MEIOC: variants seen among roughly 807,000 people sequenced by gnomAD.
MEIOC encodes the protein meiosis-specific coiled-coil domain-containing protein MEIOC.
A neutral mutation model predicts 85.3 loss-of-function variants in MEIOC; 9 were observed. The observed-to-expected ratio is 0.11, with a 90% CI of 0.06 to 0.18. The LOEUF is 0.18. Ranked by LOEUF, MEIOC falls within the 10% of genes least tolerant of loss-of-function variation. MEIOC has a pLI of 1.00. For synonymous variants in MEIOC, 365 were observed against 393.7 expected, an observed-to-expected ratio of 0.93 and a Z score of 0.86; for missense variants, 898 against 1,129.4, an observed-to-expected ratio of 0.80 and a Z score of 2.94.
At chr17:44,668,566 A>G (rs901420822) in intron 5 of MEIOC, among the ~76,000 whole-genome samples, 4 of 152,108 alleles carry the variant, frequency 2.6e-5, no homozygotes, top group African/African-American at 9.7e-5. Flanking sequence ...CCCTGGCCTC[A>G]AGCCATCCTC....
intron 6 of MEIOC, among the ~76,000 whole-genome samples, chr17:44,671,633 G>A (rs894887457): frequency 6.7e-6 from 1 of 150,342 alleles, no homozygotes; most frequent in Admixed American, 6.6e-5. Context: ...TTCGCCGGGC[G>A]TGGTGGTTCA....
Position 44,668,374 on chromosome 17 carries a change from C to T in MEIOC, c.2322+141C>T, listed in dbSNP as rs950480137. The T allele has an allele frequency of 6.2e-6, 5 of 806,052 alleles. No homozygotes were observed. In the African/African-American group the frequency reaches 6.9e-5, roughly 11 times the overall value. The allele number at this position is 806,052 out of a possible 1,614,324, so 49.9% of individuals were successfully genotyped here. A position where few individuals can be genotyped will look rare whatever the true frequency, so the allele number is the denominator to read the frequency against. On this transcript the variant is annotated intron_variant, in intron 5 of 7. Coordinates refer to ENST00000409122, the MANE Select transcript of MEIOC (RefSeq NM_001145080.3). The stretch of plus-strand genomic sequence containing the variant: ...GTTGTTTTAAAGAGACAGAGTCTCG[C>T]TCTGTTGCCCAGGCTGGAGTACAGT...
At chr17:44,659,393 G>A (rs910922272) in intron 2 of MEIOC, among the ~76,000 whole-genome samples, 6 of 152,158 alleles carry the variant, frequency 3.9e-5, no homozygotes, top group Admixed American at 3.3e-4. Flanking sequence ...ACTGTTTTAA[G>A]TATGTTAAGG....
Position 44,674,084 on chromosome 17 carries a change from C to G in MEIOC, c.2747C>G (p.Thr916Arg), listed in dbSNP as rs1275235200. ...LQMTLPKTAS[T>R]ADVVKPLQDT... ...ATGACCTTGCCAAAAACAGCCAGTA[C>G]AGCTGATGTGGTAAAGCCTTTACAA... is the stretch of plus-strand genomic sequence containing the variant. The change falls in exon 8 of 8, where the codon ACA (threonine) becomes AGA (arginine). Residue 916 changes from threonine (T) to arginine (R), a missense_variant. Thr to Arg is a moderately conservative substitution (Grantham distance 71). This residue lies in a region of MEIOC where 164 missense variants were observed against 269.2 expected (regional missense o/e 0.61). Coordinates refer to ENST00000409122, the MANE Select transcript of MEIOC (RefSeq NM_001145080.3). 1.3e-6 allele frequency: 2 copies of G among 1,551,584 alleles called. No homozygotes were observed. The highest frequency in any genetic ancestry group is 1.4e-5 in the African/African-American group (1 of 73,038).
At chr17:44,659,416 C>T (rs1971815899) in intron 2 of MEIOC, among the ~76,000 whole-genome samples, 1 of 152,154 alleles carries the variant, frequency 6.6e-6, no homozygotes, top group Non-Finnish European at 1.5e-5. Flanking sequence ...ATAAGTGATA[C>T]ATTTTAAAGT....
intron 2 of MEIOC, 47 bp from the exon 3 acceptor site, chr17:44,662,270 C>T: frequency 7.2e-7 from 1 of 1,389,978 alleles, no homozygotes; most frequent in Non-Finnish European, 9.8e-7. Flanking sequence ...TATTCTACAA[C>T]AAATGAAGTT....
At position 44,668,251 on chromosome 17, in the gene MEIOC, A is replaced by ACTTAGGAATAACAGTATGTTC. The variant is rs1313043187; in HGVS notation, c.2322+22_2322+42dup. On this transcript the variant is annotated intron_variant, in intron 5 of 7. Coordinates refer to ENST00000409122, the MANE Select transcript of MEIOC (RefSeq NM_001145080.3). ...GAAAAAAGGTAACACAAAGTTAACC[A>ACTTAGGAATAACAGTATGTTC]CTTAGGAATAACAGTATGTTCCTTT... The ACTTAGGAATAACAGTATGTTC allele has an allele frequency of 6.4e-6, 10 of 1,572,246 alleles. No individual in the cohort carries two copies. In the Admixed American group the frequency reaches 1.9e-4, roughly 30 times the overall value.
chr17:44,669,531 A>G lies in MEIOC; in HGVS notation c.2457+14A>G. ...GAACTAGCCAGAGTAAGCTGTAAAA[A>G]TAGATAACAGTGGATGGATTTTTTG... On this transcript the variant is annotated intron_variant, in intron 6 of 7. Transcript: ENST00000409122. 2 of 1,551,542 alleles carry G rather than the reference A, an allele frequency of 1.3e-6. No homozygotes were observed. Among genetic ancestry groups the G allele is most frequent in the Non-Finnish European group, 1.7e-6 (2 of 1,146,896 alleles).
At chr17:44,662,227 A>C in intron 2 of MEIOC, 90 bp from the exon 3 acceptor site, 1 of 1,000,124 alleles carries the variant, frequency 1.0e-6, no homozygotes, top group South Asian at 1.6e-5. Context: ...CAACTCTTAC[A>C]TCTGTGTTAT....
At chr17:44,662,805 C>T (rs1056552174) in intron 3 of MEIOC, among the ~76,000 whole-genome samples, 4 of 152,128 alleles carry the variant, frequency 2.6e-5, no homozygotes, top group African/African-American at 4.8e-5. Context: ...GTATGCACCA[C>T]GGTGGTCAGC....
intron 2 of MEIOC, 102 bp downstream of exon 2, chr17:44,657,363 G>C: frequency 1.8e-5 from 11 of 613,066 alleles, no homozygotes; most frequent in East Asian, 4.2e-5. Flanking sequence ...TTAAGGAAGA[G>C]AAAACCAGGG....
chr17:44,657,314 C>T, intron 2 of MEIOC, 53 bp downstream of exon 2: 3 of 1,509,606 alleles, frequency 2.0e-6, no homozygotes, highest in Non-Finnish European at 2.7e-6. Context: ...AATGGATTTA[C>T]TCGAGCCACC....
At chr17:44,665,520 G>A in intron 4 of MEIOC, 32 bp downstream of exon 4, 1 of 1,145,692 alleles carries the variant, frequency 8.7e-7, no homozygotes. Flanking sequence ...TATATAACAG[G>A]CTTTTAAACT....
rs188239602 is a variant in MEIOC at position 44,657,307 on chromosome 17, G to T, written c.204+46G>T. 1.2e-4 allele frequency: 183 copies of T among 1,521,612 alleles called. No homozygotes were observed. In the African/African-American group the frequency reaches 2.1e-3, roughly 18 times the overall value. 94.3% of individuals were successfully genotyped at this position (1,521,612 alleles called of 1,614,324 possible). A position where few individuals can be genotyped will look rare whatever the true frequency, so the allele number is the denominator to read the frequency against. On this transcript the variant is annotated intron_variant, in intron 2 of 7. Coordinates refer to ENST00000409122, the MANE Select transcript of MEIOC (RefSeq NM_001145080.3). Reference sequence around the variant, plus strand: ...TCTGTTAGACGATTTATTCTCAAATGGATTTACTCGAGCCACCGATTCATA... The same window carrying T: ...TCTGTTAGACGATTTATTCTCAAATTGATTTACTCGAGCCACCGATTCATA...
chr17:44,665,321 T>G, intron 3 of MEIOC, 63 bp from the exon 4 acceptor site: 1 of 1,075,052 alleles, frequency 9.3e-7, no homozygotes, highest in Non-Finnish European at 1.3e-6. Context: ...GATGGTAAGG[T>G]AGGATAAGTC....
intron 6 of MEIOC, chr17:44,671,301 G>A (rs529184904): frequency 1.3e-5 from 2 of 151,772 alleles, no homozygotes; most frequent in African/African-American, 4.8e-5. Flanking sequence ...ATGACATACT[G>A]TGGATAGTGA....
At position 44,675,323 on chromosome 17, in the gene MEIOC, A is replaced by G; in HGVS notation, c.*1127A>G. ...GTTTCTCATCACTTAGTATCTTTGTATAGAACTTGAGTAATTTATTCGTTA... is the reference window on the plus strand; with the variant it reads ...GTTTCTCATCACTTAGTATCTTTGTGTAGAACTTGAGTAATTTATTCGTTA... On this transcript the variant is annotated 3_prime_UTR_variant, in exon 8 of 8. Coordinates refer to ENST00000409122, the MANE Select transcript of MEIOC (RefSeq NM_001145080.3). The G allele has an allele frequency of 1.0e-6, 1 of 971,526 alleles. No homozygotes were observed. The highest frequency in any genetic ancestry group is 1.2e-6 in the Non-Finnish European group (1 of 817,332). 60.2% of individuals were successfully genotyped at this position (971,526 alleles called of 1,614,324 possible). A position where few individuals can be genotyped will look rare whatever the true frequency, so the allele number is the denominator to read the frequency against.
chr17:44,674,976 G>T lies in MEIOC; in HGVS notation c.*780G>T. ...AATCACAAAACATTCCCTTTATCTG[G>T]ATCTTTTAGACTTGATGCACAGTAA... On this transcript the variant is annotated 3_prime_UTR_variant, in exon 8 of 8. Transcript: ENST00000409122. 1 of 981,628 alleles carries T rather than the reference G, an allele frequency of 1.0e-6. No homozygotes were observed. Among genetic ancestry groups the T allele is most frequent in the Non-Finnish European group, 1.2e-6 (1 of 826,640 alleles). 60.8% of individuals were successfully genotyped at this position (981,628 alleles called of 1,614,324 possible). A position where few individuals can be genotyped will look rare whatever the true frequency, so the allele number is the denominator to read the frequency against.
Position 44,665,379 on chromosome 17 carries a change from T to C in MEIOC, c.360-5T>C. 1.3e-6 allele frequency: 2 copies of C among 1,520,964 alleles called. No individual in the cohort carries two copies. The highest frequency in any genetic ancestry group is 1.8e-6 in the Non-Finnish European group (2 of 1,126,470). The allele number at this position is 1,520,964 out of a possible 1,614,324, so 94.2% of individuals were successfully genotyped here. Reference sequence around the variant, plus strand: ...GTATTTCAGCACGAATTCATTTATTTTTAGGATTCAAACAGAAAGAAATGA... The same window carrying C: ...GTATTTCAGCACGAATTCATTTATTCTTAGGATTCAAACAGAAAGAAATGA... On this transcript the variant is annotated splice_region_variant and splice_polypyrimidine_tract_variant and intron_variant, in intron 3 of 7. Transcript: ENST00000409122.
Sources: allele counts gnomAD v4.1 joint callset (sites outside exome capture counted in the v4.1 genomes callset), GRCh38; gene constraint gnomAD v4.1.1; regional missense constraint gnomAD v4.1.1; transcripts MANE v1.5; gene names NCBI Gene and HGNC (gene_info 2026-07-23, HGNC 2026-07-21).